PLCXD3: variants seen among roughly 807,000 people sequenced by gnomAD.
The protein encoded by PLCXD3 is phosphatidylinositol specific phospholipase C X domain containing 3, also known as PI-PLC X domain-containing protein 3.
A neutral mutation model predicts 25.5 loss-of-function variants in PLCXD3; 19 were observed. The ratio of observed to expected loss-of-function variants is 0.75; its 90% CI spans 0.52 to 1.09. The LOEUF (loss-of-function observed/expected upper bound fraction) is 1.09. PLCXD3 is among the 50% of genes least tolerant of loss of function. The pLI is 0.00. For synonymous variants in PLCXD3, 174 were observed against 137.6 expected, an observed-to-expected ratio of 1.26 and a Z score of -1.85; for missense variants, 411 against 388.1, an observed-to-expected ratio of 1.06 and a Z score of -0.50.
intron 2 of PLCXD3, among the ~76,000 whole-genome samples, chr5:41,352,744 G>A (rs114389267): frequency 0.018 from 2,786 of 152,232 alleles, 55 homozygotes; most frequent in Admixed American, 0.03. Context: ...TGTTCAGGGA[G>A]ACAAATGGTT....
chr5:41,491,196 A>G (rs937398423), intron 1 of PLCXD3, among the ~76,000 whole-genome samples: 1 of 152,160 alleles, frequency 6.6e-6, no homozygotes, highest in East Asian at 1.9e-4. Context: ...TTATGTACCC[A>G]GTAGTCATTC....
intron 1 of PLCXD3, among the ~76,000 whole-genome samples, chr5:41,498,573 A>G (rs1294239261): frequency 4.6e-5 from 7 of 151,674 alleles, no homozygotes; most frequent in Non-Finnish European, 1.0e-4. Context: ...TTAAAGGTGA[A>G]TTCTATTAGA....
intron 1 of PLCXD3, chr5:41,475,527 T>C (rs1748262971): frequency 2.0e-6 from 1 of 490,582 alleles, no homozygotes; most frequent in South Asian, 1.6e-5. Flanking sequence ...TTTGTCTCTA[T>C]CTCTATTTAT....
intron 1 of PLCXD3, among the ~76,000 whole-genome samples, chr5:41,493,077 C>G (rs1288410214): frequency 6.6e-6 from 1 of 152,054 alleles, no homozygotes; most frequent in African/African-American, 2.4e-5. Flanking sequence ...TACTTTTGGT[C>G]TTTGATGATG....
chr5:41,465,124 A>G (rs889528692), intron 1 of PLCXD3, among the ~76,000 whole-genome samples: 1 of 151,844 alleles, frequency 6.6e-6, no homozygotes, highest in Non-Finnish European at 1.5e-5. Context: ...TTAATTATCC[A>G]TATTTTGGGG....
chr5:41,470,372 G>C (rs918022566), intron 1 of PLCXD3, among the ~76,000 whole-genome samples: 3 of 144,398 alleles, frequency 2.1e-5, no homozygotes, highest in Non-Finnish European at 4.6e-5. Context: ...ATTTCAGACA[G>C]AAATCTGAAA....
intron 2 of PLCXD3, among the ~76,000 whole-genome samples, chr5:41,358,372 C>T (rs1020308218): frequency 2.1e-4 from 32 of 152,002 alleles, no homozygotes; most frequent in African/African-American, 7.7e-4. Flanking sequence ...TAAGTTTTAT[C>T]GTAGTTTCTG....
At chr5:41,482,676 A>G (rs1486078687) in intron 1 of PLCXD3, among the ~76,000 whole-genome samples, 1 of 152,240 alleles carries the variant, frequency 6.6e-6, no homozygotes, top group Non-Finnish European at 1.5e-5. Flanking sequence ...TTAGAGCCTC[A>G]GAAAATTAGG....
chr5:41,485,508 G>A (rs11746987), intron 1 of PLCXD3, among the ~76,000 whole-genome samples: 25,159 of 152,052 alleles, frequency 0.17, 2,369 homozygotes, highest in Middle Eastern at 0.23. Context: ...TTCCATTTGC[G>A]GTGGCTTCCA....
At chr5:41,371,852 C>T (rs932801159) in intron 2 of PLCXD3, among the ~76,000 whole-genome samples, 1 of 152,144 alleles carries the variant, frequency 6.6e-6, no homozygotes, top group African/African-American at 2.4e-5. Context: ...CTTCTCATGA[C>T]CTTGGAATGT....
intron 2 of PLCXD3, among the ~76,000 whole-genome samples, chr5:41,318,648 C>A (rs60390579): frequency 0.012 from 1,796 of 152,088 alleles, 33 homozygotes; most frequent in African/African-American, 0.042. Flanking sequence ...GTAAAGTCAA[C>A]TTCACTAGAG....
chr5:41,496,973 A>G (rs1748855176), intron 1 of PLCXD3, among the ~76,000 whole-genome samples: 1 of 151,770 alleles, frequency 6.6e-6, no homozygotes, highest in Non-Finnish European at 1.5e-5. Flanking sequence ...GGGTTTTTGT[A>G]TGTGATTTAA....
intron 1 of PLCXD3, among the ~76,000 whole-genome samples, chr5:41,432,978 C>A (rs1429747312): frequency 6.6e-6 from 1 of 152,140 alleles, no homozygotes; most frequent in Non-Finnish European, 1.5e-5. Flanking sequence ...TCTTATGTCA[C>A]GAAGAACTTG....
chr5:41,379,460 A>G (rs73077919), intron 2 of PLCXD3, among the ~76,000 whole-genome samples: 10,384 of 152,152 alleles, frequency 0.068, 1,219 homozygotes, highest in African/African-American at 0.24. Context: ...CTAGTTAGGC[A>G]AAATCATCTA....
At chr5:41,446,484 C>G (rs1054565185) in intron 1 of PLCXD3, among the ~76,000 whole-genome samples, 6 of 151,520 alleles carry the variant, frequency 4.0e-5, no homozygotes, top group African/African-American at 1.5e-4. Context: ...GTGTTTCATA[C>G]TGGCAAATGT....
At chr5:41,429,863 C>T (rs1208719043) in intron 1 of PLCXD3, among the ~76,000 whole-genome samples, 2 of 152,088 alleles carry the variant, frequency 1.3e-5, no homozygotes, top group Admixed American at 6.6e-5. Context: ...ATAGTTTTAA[C>T]TTATGTTTAG....
intron 2 of PLCXD3, 93 bp downstream of exon 2, chr5:41,381,733 A>G: frequency 1.7e-6 from 2 of 1,179,208 alleles, no homozygotes; most frequent in South Asian, 1.6e-5. Flanking sequence ...GACCTAATAT[A>G]CATAGGTATA....
intron 1 of PLCXD3, among the ~76,000 whole-genome samples, chr5:41,423,148 C>A (rs1746868673): frequency 6.6e-6 from 1 of 151,974 alleles, no homozygotes; most frequent in Non-Finnish European, 1.5e-5. Context: ...TTCTTGCATT[C>A]TTCGCAGAAG....
intron 1 of PLCXD3, among the ~76,000 whole-genome samples, chr5:41,401,840 CA>C (rs1210729441): frequency 4.0e-5 from 6 of 151,832 alleles, no homozygotes; most frequent in South Asian, 4.1e-4. Flanking sequence ...AGTTGCCTTT[CA>C]AAAAAATCTG....
Sources: allele counts gnomAD v4.1 joint callset (sites outside exome capture counted in the v4.1 genomes callset), GRCh38; gene constraint gnomAD v4.1.1; transcripts MANE v1.5; gene names NCBI Gene and HGNC (gene_info 2026-07-23, HGNC 2026-07-21).